PNPT1: variants seen among roughly 807,000 people sequenced by gnomAD.
PNPT1 encodes the protein polyribonucleotide nucleotidyltransferase 1.
PNPT1 carries 53 observed loss-of-function variants against 119.5 expected under a neutral mutation model. The ratio of observed to expected loss-of-function variants is 0.44; its 90% CI spans 0.36 to 0.56. The LOEUF (loss-of-function observed/expected upper bound fraction) is 0.56, where lower values mean the gene tolerates loss of function less well. PNPT1 is among the 20% of genes least tolerant of loss of function. The probability of loss-of-function intolerance (pLI) is 0.00; values close to 1 mark genes in which losing one functional copy is unlikely to be tolerated. For synonymous variants in PNPT1, 357 were observed against 322.1 expected (o/e 1.11, Z -1.16); for missense variants, 948 against 938.5 (o/e 1.01, Z -0.13).
At chr2:55,660,877 G>A (rs1226479295) in intron 14 of PNPT1, among the ~76,000 whole-genome samples, 8 of 151,998 alleles carry the variant, frequency 5.3e-5, no homozygotes, top group Admixed American at 3.3e-4. Flanking sequence ...CTGCACTGTC[G>A]ATTCTATCAG....
intron 11 of PNPT1, among the ~76,000 whole-genome samples, chr2:55,669,124 A>G (rs922801431): frequency 3.9e-5 from 6 of 152,178 alleles, no homozygotes; most frequent in African/African-American, 1.4e-4. Context: ...TACAGAAGAA[A>G]AAACTGAGGC....
intron 23 of PNPT1, 44 bp downstream of exon 23, chr2:55,644,593 T>C (rs367650437): frequency 4.1e-5 from 59 of 1,433,882 alleles, no homozygotes; most frequent in African/African-American, 5.7e-5. Context: ...ACTTTTATGG[T>C]CTAGCATTTA....
chr2:55,674,175 T>C (rs1459088870), intron 8 of PNPT1, among the ~76,000 whole-genome samples: 1 of 152,202 alleles, frequency 6.6e-6, no homozygotes, highest in Non-Finnish European at 1.5e-5. Context: ...ACTAAAGGAC[T>C]GAATAATAGA....
chr2:55,668,788 C>T (rs1206441964), intron 11 of PNPT1, among the ~76,000 whole-genome samples: 5 of 152,018 alleles, frequency 3.3e-5, no homozygotes, highest in East Asian at 1.9e-4. Context: ...TTAGTAGAGA[C>T]GGGGTTTCTC....
intron 15 of PNPT1, among the ~76,000 whole-genome samples, chr2:55,659,826 A>T (rs1696506409): frequency 6.6e-6 from 1 of 152,230 alleles, no homozygotes; most frequent in African/African-American, 2.4e-5. Flanking sequence ...GGTAAAACCC[A>T]GGTAGTGGAT....
At chr2:55,663,832 A>T (rs2104098109) in intron 13 of PNPT1, among the ~76,000 whole-genome samples, 1 of 152,112 alleles carries the variant, frequency 6.6e-6, no homozygotes, top group African/African-American at 2.4e-5. Flanking sequence ...ACAAAAAAAA[A>T]ATTAGCCGGG....
At chr2:55,639,900 T>C (rs1695786839) in intron 26 of PNPT1, among the ~76,000 whole-genome samples, 1 of 152,166 alleles carries the variant, frequency 6.6e-6, no homozygotes, top group Non-Finnish European at 1.5e-5. Flanking sequence ...AAAGCACATT[T>C]AGCTCTTTGA....
intron 7 of PNPT1, 46 bp downstream of exon 7, chr2:55,680,666 A>G: frequency 6.4e-7 from 1 of 1,558,736 alleles, no homozygotes; most frequent in African/African-American, 1.4e-5. Flanking sequence ...TACTTACTGA[A>G]AAAAAAAATA....
At chr2:55,675,317 G>A (rs1052657344) in intron 8 of PNPT1, among the ~76,000 whole-genome samples, 2 of 151,512 alleles carry the variant, frequency 1.3e-5, no homozygotes, top group Non-Finnish European at 2.9e-5. Flanking sequence ...GGCTGGGCAT[G>A]GGGCTCATGC....
chr2:55,679,985 T>C (rs1243590525), intron 7 of PNPT1, among the ~76,000 whole-genome samples, 190 bp from the exon 8 acceptor site: 2 of 152,212 alleles, frequency 1.3e-5, no homozygotes, highest in Non-Finnish European at 2.9e-5. Flanking sequence ...TCACTCTGAA[T>C]TGCTGAAATA....
intron 18 of PNPT1, among the ~76,000 whole-genome samples, chr2:55,649,479 A>C (rs1478438734): frequency 6.6e-6 from 1 of 152,188 alleles, no homozygotes; most frequent in Non-Finnish European, 1.5e-5. Flanking sequence ...TTTACCCTAA[A>C]TATTAAAATA....
At chr2:55,688,598 G>C (rs750195922) in intron 1 of PNPT1, among the ~76,000 whole-genome samples, 3 of 152,020 alleles carry the variant, frequency 2.0e-5, no homozygotes, top group Non-Finnish European at 2.9e-5. Flanking sequence ...GGTGTTGCGT[G>C]TCTATAATCC....
At position 55,646,609 on chromosome 2, in the gene PNPT1, C is replaced by T. The variant is rs1363750683; in HGVS notation, c.1603-123G>A. ...CCATATCCTAAGTCCAAACACAAAG[C>T]AATGTTTTCTACATTAACTACCACT... On this transcript the variant is annotated intron_variant, in intron 19 of 27. Transcript: ENST00000447944. 7 of 695,730 alleles carry T rather than the reference C, an allele frequency of 1.0e-5. No homozygotes were observed. The Admixed American group carries it at 1.7e-4, about 17-fold the overall frequency. 43.1% of individuals were successfully genotyped at this position (695,730 alleles called of 1,614,324 possible).
At chr2:55,652,640 T>C (rs1261343308) in intron 18 of PNPT1, among the ~76,000 whole-genome samples, 1 of 152,146 alleles carries the variant, frequency 6.6e-6, no homozygotes, top group Admixed American at 6.6e-5. Context: ...CCAGTATGAA[T>C]GGTGCACCTA....
At chr2:55,672,154 T>TA (rs1196633885) in intron 9 of PNPT1, 108 bp from the exon 10 acceptor site, 3 of 786,552 alleles carry the variant, frequency 3.8e-6, no homozygotes, top group Non-Finnish European at 2.0e-6. Context: ...AAAACTTTAA[T>TA]AAATACTTCA....
chr2:55,648,577 T>C (rs961833005), intron 18 of PNPT1, among the ~76,000 whole-genome samples: 17 of 152,224 alleles, frequency 1.1e-4, no homozygotes, highest in Non-Finnish European at 2.2e-4. Flanking sequence ...ATGACTGAGG[T>C]TGAAAACTAT....
intron 17 of PNPT1, among the ~76,000 whole-genome samples, chr2:55,655,430 A>C (rs10460508): frequency 0.45 from 68,397 of 151,982 alleles, 16,315 homozygotes; most frequent in Non-Finnish European, 0.53. Context: ...TATCACAAAA[A>C]GTTCTATTGC....
chr2:55,693,662 C>T lies in PNPT1; in HGVS notation c.161+1G>A. 3.1e-6 allele frequency: 5 copies of T among 1,614,210 alleles called. No homozygotes were observed. The highest frequency in any genetic ancestry group is 4.2e-6 in the Non-Finnish European group (5 of 1,180,028). On this transcript the variant is annotated splice_donor_variant, in intron 1 of 27. Coordinates refer to ENST00000447944, the MANE Select transcript of PNPT1 (RefSeq NM_033109.5). LOFTEE classifies it high-confidence loss of function. ...TACAGTGAACGCACGTCACTCCTTA[C>T]CTGTTGCCTAAGTCCACGGCCACAG...
chr2:55,677,704 T>C (rs1479492829), intron 8 of PNPT1, among the ~76,000 whole-genome samples: 1 of 151,056 alleles, frequency 6.6e-6, no homozygotes, highest in African/African-American at 2.4e-5. Context: ...ATATGACCAA[T>C]TAGCAGCAGG....
Sources: gnomAD v4.1 joint callset for allele counts (sites outside exome capture counted in the v4.1 genomes callset) on GRCh38, gnomAD v4.1.1 for gene constraint, MANE v1.5 for transcripts, NCBI Gene and HGNC (gene_info 2026-07-23, HGNC 2026-07-21) for gene names.